Variants in MPZL3 observed in about 807,000 individuals in gnomAD.
The protein encoded by MPZL3 is myelin protein zero-like protein 3.
In MPZL3, 23 loss-of-function variants were observed where a neutral mutation model predicts 24.8. That is an observed-to-expected ratio of 0.93 (90% CI 0.67 to 1.31). The LOEUF is 1.31. Among genes scored for constraint, MPZL3 ranks in the 40% most tolerant of loss-of-function variants. MPZL3 has a pLI of 0.00. For synonymous variants in MPZL3, 99 were observed against 106.5 expected, an observed-to-expected ratio of 0.93 and a Z score of 0.44; for missense variants, 277 against 294.9, an observed-to-expected ratio of 0.94 and a Z score of 0.44.
In MPZL3 at chr11:118,228,143, G is replaced by A. The variant is rs572772605; in HGVS notation, c.*1751C>T. On this transcript the variant is annotated 3_prime_UTR_variant, in exon 6 of 6. Transcript: ENST00000278949. ...CAATGTCCTTCAACTAACCAGATTC[G>A]CTCATCTGTGGACTAGGTTAACAGA... The A allele has an allele frequency of 4.6e-5, 7 of 152,062 alleles. No homozygotes were observed. Among genetic ancestry groups the A allele is most frequent in the South Asian group, 2.1e-4 (1 of 4,824 alleles). The allele number at this position is 152,062 out of a possible 1,614,324, so 9.4% of individuals were successfully genotyped here.
At chr11:118,251,464 C>G (rs965992264) in intron 1 of MPZL3, among the ~76,000 whole-genome samples, 2 of 151,806 alleles carry the variant, frequency 1.3e-5, no homozygotes, top group African/African-American at 4.8e-5. Flanking sequence ...GGAAGACACA[C>G]ATACACAAAA....
intron 4 of MPZL3, among the ~76,000 whole-genome samples, chr11:118,234,276 C>T (rs902384527): frequency 6.6e-6 from 1 of 152,096 alleles, no homozygotes; most frequent in Admixed American, 6.5e-5. Context: ...TGTTATAATG[C>T]AGTGTGATAA....
intron 1 of MPZL3, among the ~76,000 whole-genome samples, chr11:118,240,587 C>T (rs953471394): frequency 5.3e-5 from 8 of 152,194 alleles, no homozygotes; most frequent in African/African-American, 1.9e-4. Flanking sequence ...TCTTAAATCA[C>T]AACTGAATGC....
Position 118,235,783 on chromosome 11 carries a change from G to A in MPZL3, c.452-194C>T, listed in dbSNP as rs1949418406. Among the ~76,000 whole-genome samples the A allele has an allele frequency of 2.0e-5, 3 of 152,290 alleles. No individual in the cohort carries two copies. The South Asian group carries it at 6.2e-4, about 32-fold the overall frequency. ...TACCGATAATCCCACTACCTAGGAA[G>A]AACACTTTGGTATCTACCCATTTAA... is the stretch of plus-strand genomic sequence containing the variant. On this transcript the variant is annotated intron_variant, in intron 3 of 5. Coordinates refer to ENST00000278949, the MANE Select transcript of MPZL3 (RefSeq NM_198275.3).
chr11:118,233,432 G>A, intron 5 of MPZL3, 28 bp downstream of exon 5: 1 of 1,613,120 alleles, frequency 6.2e-7, no homozygotes, highest in Non-Finnish European at 8.5e-7. Context: ...GACATCAACA[G>A]TAAGCAGAAG....
At chr11:118,240,631 G>A (rs10892228) in intron 1 of MPZL3, among the ~76,000 whole-genome samples, 96,080 of 151,884 alleles carry the variant, frequency 0.63, 31,772 homozygotes, top group South Asian at 0.81. Context: ...TCACACCAGC[G>A]TTTTCCCGAA....
chr11:118,244,317 A>G (rs929116777), intron 1 of MPZL3, among the ~76,000 whole-genome samples: 6 of 152,246 alleles, frequency 3.9e-5, no homozygotes, highest in Non-Finnish European at 8.8e-5. Flanking sequence ...AGTTTGATAC[A>G]TTAATTAAGT....
At chr11:118,239,108 A>T (rs1326227077) in intron 2 of MPZL3, among the ~76,000 whole-genome samples, 1 of 152,216 alleles carries the variant, frequency 6.6e-6, no homozygotes, top group African/African-American at 2.4e-5. Flanking sequence ...CCTTGCAGAG[A>T]GCAGCACTAG....
At chr11:118,247,124 CCA>C (rs1949563807) in intron 1 of MPZL3, among the ~76,000 whole-genome samples, 1 of 152,164 alleles carries the variant, frequency 6.6e-6, no homozygotes, top group Non-Finnish European at 1.5e-5. Context: ...CTCCTGCCCT[CCA>C]ATCTCCTGCC....
intron 2 of MPZL3, among the ~76,000 whole-genome samples, chr11:118,238,906 T>C (rs1949458168): frequency 6.6e-6 from 1 of 152,198 alleles, no homozygotes; most frequent in African/African-American, 2.4e-5. Context: ...AAACTCCTTA[T>C]TGACAAAACA....
At position 118,229,930 on chromosome 11, in the gene MPZL3, GC is replaced by G; in HGVS notation, c.682-11del. On this transcript the variant is annotated splice_polypyrimidine_tract_variant and intron_variant, in intron 5 of 5. Coordinates refer to ENST00000278949, the MANE Select transcript of MPZL3 (RefSeq NM_198275.3). ...CTTCATAGTCTGAATCCTGGAGGGA[GC>G]AAAACAGCAGGTGTGAAACACAATT... The G allele has an allele frequency of 6.2e-7, 1 of 1,612,396 alleles. No individual in the cohort carries two copies. The highest frequency in any genetic ancestry group is 8.5e-7 in the Non-Finnish European group (1 of 1,179,158).
chr11:118,244,236 C>T (rs1362133043), intron 1 of MPZL3, among the ~76,000 whole-genome samples: 2 of 152,186 alleles, frequency 1.3e-5, no homozygotes, highest in African/African-American at 4.8e-5. Flanking sequence ...CTCTTTTGTG[C>T]CATCCTCTGG....
chr11:118,233,569 T>C (rs1949382039), intron 4 of MPZL3, 46 bp from the exon 5 acceptor site: 5 of 1,590,410 alleles, frequency 3.1e-6, no homozygotes, highest in Non-Finnish European at 4.3e-6. Flanking sequence ...CTATCCTCAA[T>C]AGAGTAGAGC....
intron 3 of MPZL3, 67 bp from the exon 4 acceptor site, chr11:118,235,656 C>G: frequency 6.7e-7 from 1 of 1,490,202 alleles, no homozygotes; most frequent in Non-Finnish European, 9.2e-7. Flanking sequence ...ACATGAGCAA[C>G]TAGGTTCTAC....
chr11:118,252,141 C>G (rs1481384218), intron 1 of MPZL3, 81 bp downstream of exon 1: 25 of 1,450,720 alleles, frequency 1.7e-5, no homozygotes, highest in Non-Finnish European at 2.4e-5. Context: ...TTCTGGAGAC[C>G]CCCCTACCCG....
intron 1 of MPZL3, among the ~76,000 whole-genome samples, chr11:118,241,732 T>A (rs1949501930): frequency 6.6e-6 from 1 of 152,212 alleles, no homozygotes; most frequent in Non-Finnish European, 1.5e-5. Context: ...CTCTGCCAGC[T>A]TTGAATCATT....
chr11:118,250,437 G>C (rs1404918374), intron 1 of MPZL3, among the ~76,000 whole-genome samples: 3 of 151,840 alleles, frequency 2.0e-5, no homozygotes, highest in Non-Finnish European at 4.4e-5. Flanking sequence ...TTCTCTTTGG[G>C]GTGATGAAAA....
intron 1 of MPZL3, among the ~76,000 whole-genome samples, chr11:118,241,747 T>G (rs1162441597): frequency 6.6e-6 from 1 of 152,226 alleles, no homozygotes; most frequent in African/African-American, 2.4e-5. Context: ...ATCATTTTTC[T>G]TGCTCCTCTC....
intron 1 of MPZL3, among the ~76,000 whole-genome samples, chr11:118,241,972 C>T (rs994419035): frequency 6.6e-6 from 1 of 152,200 alleles, no homozygotes; most frequent in African/African-American, 2.4e-5. Flanking sequence ...CCCTCAGTCC[C>T]CACTTTCTTA....
Sources: allele counts gnomAD v4.1 joint callset (sites outside exome capture counted in the v4.1 genomes callset), GRCh38; gene constraint gnomAD v4.1.1; transcripts MANE v1.5; gene names NCBI Gene and HGNC (gene_info 2026-07-23, HGNC 2026-07-21).